Variants in TBC1D9 observed in about 807,000 individuals in gnomAD.
TBC1D9 encodes TBC1 domain family member 9A.
TBC1D9 carries 63 observed loss-of-function variants against 132.0 expected under a neutral mutation model. That is an observed-to-expected ratio of 0.48 (90% CI 0.39 to 0.59). The LOEUF (loss-of-function observed/expected upper bound fraction) is 0.59. TBC1D9 is among the 20% of genes least tolerant of loss of function. The pLI is 0.00. For missense variants in TBC1D9, 1,261 were observed against 1,592.7 expected (o/e 0.79, Z 3.54); for synonymous variants, 610 against 609.9 (o/e 1.00, Z 0.00).
intron 1 of TBC1D9, among the ~76,000 whole-genome samples, chr4:140,723,765 A>C (rs1738458334): frequency 1.3e-5 from 2 of 152,056 alleles, no homozygotes; most frequent in South Asian, 4.1e-4. Context: ...TTATTTATCT[A>C]TGTTATTTTT....
At chr4:140,622,987 G>T in intron 20 of TBC1D9, 70 bp from the exon 21 acceptor site, 1 of 1,431,922 alleles carries the variant, frequency 7.0e-7, no homozygotes, top group Non-Finnish European at 9.1e-7. Context: ...GAAGTGGACT[G>T]TAAAGCCATT....
intron 2 of TBC1D9, among the ~76,000 whole-genome samples, chr4:140,698,051 C>T (rs1425833099): frequency 6.6e-6 from 1 of 152,194 alleles, no homozygotes; most frequent in Non-Finnish European, 1.5e-5. Flanking sequence ...GTGGCTCTCC[C>T]TAACTTTTAA....
intron 1 of TBC1D9, among the ~76,000 whole-genome samples, chr4:140,746,492 A>G (rs1484923246): frequency 6.6e-6 from 1 of 152,154 alleles, no homozygotes; most frequent in African/African-American, 2.4e-5. Flanking sequence ...ATTATAATTA[A>G]TCTATTAGTC....
intron 10 of TBC1D9, 78 bp from the exon 11 acceptor site, chr4:140,659,783 T>C (rs897657554): frequency 1.2e-5 from 12 of 1,036,092 alleles, no homozygotes; most frequent in South Asian, 1.6e-5. Context: ...AATTACTCAG[T>C]TATTCTCACA....
At chr4:140,738,033 T>C (rs571635757) in intron 1 of TBC1D9, among the ~76,000 whole-genome samples, 15 of 152,366 alleles carry the variant, frequency 9.8e-5, no homozygotes, top group African/African-American at 2.9e-4. Flanking sequence ...ATGAAAACTT[T>C]AATAATAATT....
At chr4:140,750,529 C>T (rs1738907889) in intron 1 of TBC1D9, among the ~76,000 whole-genome samples, 1 of 151,446 alleles carries the variant, frequency 6.6e-6, no homozygotes, top group Non-Finnish European at 1.5e-5. Context: ...TTTAAAAAGA[C>T]ATAATATACA....
At chr4:140,656,859 A>T (rs1170482569) in intron 13 of TBC1D9, among the ~76,000 whole-genome samples, 1 of 152,214 alleles carries the variant, frequency 6.6e-6, no homozygotes, top group Non-Finnish European at 1.5e-5. Flanking sequence ...CTGCCAGTGA[A>T]GACATGGTAT....
In TBC1D9 at chr4:140,701,709, T is replaced by C. The variant is rs571346462; in HGVS notation, c.131-95A>G. 8 of 895,348 alleles carry C rather than the reference T, an allele frequency of 8.9e-6. No homozygotes were observed. The Admixed American group carries it at 9.0e-5, about 10-fold the overall frequency. The allele number at this position is 895,348 out of a possible 1,614,324, so 55.5% of individuals were successfully genotyped here. A position where few individuals can be genotyped will look rare whatever the true frequency, so the allele number is the denominator to read the frequency against. ...ATGAACATGCCCTTTCATGAGATCT[T>C]CCAACAACCCCATCTCCCACTGAAC... is the stretch of plus-strand genomic sequence containing the variant. On this transcript the variant is annotated intron_variant, in intron 1 of 20. Transcript: ENST00000442267.
chr4:140,711,346 T>C (rs1158704636), intron 1 of TBC1D9, among the ~76,000 whole-genome samples: 4 of 152,074 alleles, frequency 2.6e-5, no homozygotes, highest in Admixed American at 6.6e-5. Flanking sequence ...GGAGGGGCCT[T>C]TTTGGTGTGG....
At chr4:140,747,752 G>T (rs912730316) in intron 1 of TBC1D9, among the ~76,000 whole-genome samples, 1 of 152,142 alleles carries the variant, frequency 6.6e-6, no homozygotes, top group African/African-American at 2.4e-5. Flanking sequence ...ACCAGGATAG[G>T]AGTTAGTACC....
chr4:140,637,126 C>A (rs556394912), intron 15 of TBC1D9, among the ~76,000 whole-genome samples: 5 of 152,188 alleles, frequency 3.3e-5, no homozygotes, highest in African/African-American at 9.6e-5. Context: ...CCAAGGCAGG[C>A]AGATCACAAG....
intron 3 of TBC1D9, among the ~76,000 whole-genome samples, chr4:140,684,240 T>TAA (rs5862494): frequency 1.0e-4 from 13 of 130,458 alleles, no homozygotes; most frequent in African/African-American, 2.2e-4. Context: ...TGTCCCTAAT[T>TAA]AAAAAAAAAA....
rs764416541 is a variant in TBC1D9, at chr4:140,679,685, G to A, written c.519C>T (p.Val173=). 3.7e-6 allele frequency: 6 copies of A among 1,613,676 alleles called. No individual in the cohort carries two copies. Among genetic ancestry groups the A allele is most frequent in the Non-Finnish European group, 5.1e-6 (6 of 1,179,844 alleles). ...YYSCSYWKGK[V]PRQGWMYLSI... is the part of the protein sequence containing the mutation. ...TGAGGTACATCCAACCCTGACGGGG[G>A]ACCTTCCCCTTCCAATAGCTGCAAG... is the stretch of plus-strand genomic sequence containing the variant. Residue 173 remains valine (V), a synonymous_variant, in exon 4 of 21, where the codon GTC becomes GTT. Transcript: ENST00000442267.
At chr4:140,701,302 C>T (rs1214576243) in intron 2 of TBC1D9, among the ~76,000 whole-genome samples, 2 of 152,196 alleles carry the variant, frequency 1.3e-5, no homozygotes, top group South Asian at 2.1e-4. Flanking sequence ...GATCCCAACA[C>T]GACTCTATCA....
At position 140,621,085 on chromosome 4, in the gene TBC1D9, A is replaced by G. The variant is rs890792338; in HGVS notation, c.*1110T>C. The G allele has an allele frequency of 6.5e-6, 1 of 152,696 alleles. No homozygotes were observed. The highest frequency in any genetic ancestry group is 2.4e-5 in the African/African-American group (1 of 41,476). The allele number at this position is 152,696 out of a possible 1,614,324, so 9.5% of individuals were successfully genotyped here. A position where few individuals can be genotyped will look rare whatever the true frequency, so the allele number is the denominator to read the frequency against. On this transcript the variant is annotated 3_prime_UTR_variant, in exon 21 of 21. Coordinates refer to ENST00000442267, the MANE Select transcript of TBC1D9 (RefSeq NM_015130.3). ...CAAGAATTCAAAGTGCAGGTGCGCT[A>G]GCTTTCATTTCCACATCCATTCAGG... is the stretch of plus-strand genomic sequence containing the variant.
chr4:140,631,326 G>T (rs1013575582), intron 16 of TBC1D9, among the ~76,000 whole-genome samples: 2 of 151,948 alleles, frequency 1.3e-5, no homozygotes, highest in Non-Finnish European at 2.9e-5. Flanking sequence ...GGGTTCAAGC[G>T]ATTCTCCTGC....
chr4:140,702,802 T>C (rs1738092680), intron 1 of TBC1D9, among the ~76,000 whole-genome samples: 1 of 152,194 alleles, frequency 6.6e-6, no homozygotes, highest in South Asian at 2.1e-4. Context: ...ATCCAAAAGA[T>C]TCCCATAATG....
In TBC1D9 at chr4:140,633,981, A is replaced by G. The variant is rs1376035995; in HGVS notation, c.2713T>C (p.Leu905=). Residue 905 remains leucine, a synonymous_variant, in exon 16 of 21, where the codon TTG becomes CTG. Coordinates refer to ENST00000442267, the MANE Select transcript of TBC1D9 (RefSeq NM_015130.3). ...FQLLDENGDS[L]INFREFVSGL... ...GAGACAAACTCCCGGAAGTTAATCA[A>G]AGAGTCTCCATTTTCATCTAATAAC... 6.2e-7 allele frequency: 1 copy of G among 1,613,886 alleles called. No homozygotes were observed. Among genetic ancestry groups the G allele is most frequent in the African/African-American group, 1.3e-5 (1 of 74,934 alleles).
intron 10 of TBC1D9, among the ~76,000 whole-genome samples, chr4:140,660,881 G>A (rs1168322623): frequency 1.3e-5 from 2 of 151,960 alleles, no homozygotes; most frequent in Non-Finnish European, 2.9e-5. Flanking sequence ...GGATGGTCAG[G>A]GAAGGCCTCT....
Sources: allele counts gnomAD v4.1 joint callset (sites outside exome capture counted in the v4.1 genomes callset), GRCh38; gene constraint gnomAD v4.1.1; transcripts MANE v1.5; gene names NCBI Gene and HGNC (gene_info 2026-07-23, HGNC 2026-07-21).